The following CNTNAP2 variants were observed in gnomAD, a reference collection of about 807,000 sequenced individuals.
CNTNAP2 encodes the protein contactin associated protein 2.
In CNTNAP2, 98 loss-of-function variants were observed where a neutral mutation model predicts 155.2. The observed-to-expected ratio is 0.63, with a 90% CI of 0.54 to 0.75. The LOEUF (loss-of-function observed/expected upper bound fraction) is 0.75, where lower values mean the gene tolerates loss of function less well. CNTNAP2 is among the 30% of genes least tolerant of loss of function. The pLI is 0.00. For missense variants in CNTNAP2, 1,727 were observed against 1,688.1 expected (o/e 1.02, Z -0.40); for synonymous variants, 651 against 631.2 (o/e 1.03, Z -0.47).
chr7:148,337,205 T>C (rs1798135646), intron 21 of CNTNAP2, among the ~76,000 whole-genome samples: 1 of 151,890 alleles, frequency 6.6e-6, no homozygotes, highest in African/African-American at 2.4e-5. Context: ...AGGAGGCCCC[T>C]GCTGCTCCCC....
At chr7:147,065,951 T>C (rs758674634) in intron 4 of CNTNAP2, among the ~76,000 whole-genome samples, 6 of 152,186 alleles carry the variant, frequency 3.9e-5, no homozygotes, top group Non-Finnish European at 8.8e-5. Context: ...GACTCATATC[T>C]TTTGTACCTG....
chr7:146,156,298 A>G (rs981760976), intron 1 of CNTNAP2, among the ~76,000 whole-genome samples: 1 of 152,184 alleles, frequency 6.6e-6, no homozygotes, highest in African/African-American at 2.4e-5. Flanking sequence ...AAGAGAAAAT[A>G]AAGAATGATT....
At chr7:147,668,650 T>C (rs1416989082) in intron 13 of CNTNAP2, among the ~76,000 whole-genome samples, 1 of 152,122 alleles carries the variant, frequency 6.6e-6, no homozygotes. Flanking sequence ...TATTTAAAAA[T>C]CTTAAGGTAA....
chr7:146,949,066 C>T (rs1452302771), intron 3 of CNTNAP2, among the ~76,000 whole-genome samples: 1 of 152,166 alleles, frequency 6.6e-6, no homozygotes, highest in African/African-American at 2.4e-5. Flanking sequence ...GCAAGAGCTC[C>T]TCCCAGGGCC....
intron 13 of CNTNAP2, among the ~76,000 whole-genome samples, chr7:147,691,858 A>C (rs546377294): frequency 2.0e-5 from 3 of 152,092 alleles, no homozygotes; most frequent in Non-Finnish European, 4.4e-5. Context: ...AAACCTACAC[A>C]GACACATCAT....
intron 18 of CNTNAP2, among the ~76,000 whole-genome samples, chr7:148,214,250 G>A (rs928905371): frequency 6.6e-6 from 1 of 152,206 alleles, no homozygotes; most frequent in Non-Finnish European, 1.5e-5. Context: ...ACCCAGCATC[G>A]TGCCCAGGGT....
chr7:147,134,758 T>G (rs1748729673), intron 8 of CNTNAP2, among the ~76,000 whole-genome samples: 1 of 151,932 alleles, frequency 6.6e-6, no homozygotes, highest in Non-Finnish European at 1.5e-5. Flanking sequence ...AACAGTTAAG[T>G]CAGGATTCTA....
At chr7:148,139,918 A>G (rs958605463) in intron 16 of CNTNAP2, among the ~76,000 whole-genome samples, 3 of 152,168 alleles carry the variant, frequency 2.0e-5, no homozygotes, top group Non-Finnish European at 4.4e-5. Flanking sequence ...GAGAGACCAC[A>G]TTCCCCATAA....
At chr7:146,627,985 AGTGT>A (rs1799447948) in intron 1 of CNTNAP2, among the ~76,000 whole-genome samples, 1 of 152,090 alleles carries the variant, frequency 6.6e-6, no homozygotes, top group Admixed American at 6.6e-5. Flanking sequence ...TTTGCCAATG[AGTGT>A]GTGGTCACGT....
chr7:146,865,913 GAAAAGGAATCC>G (rs1795195376), intron 3 of CNTNAP2, among the ~76,000 whole-genome samples: 1 of 152,100 alleles, frequency 6.6e-6, no homozygotes, highest in African/African-American at 2.4e-5. Flanking sequence ...CGTTTTCCTT[GAAAAGGAATCC>G]TTGTACTAGT....
At chr7:146,943,964 ATAGT>A (rs1797106389) in intron 3 of CNTNAP2, among the ~76,000 whole-genome samples, 1 of 152,124 alleles carries the variant, frequency 6.6e-6, no homozygotes, top group South Asian at 2.1e-4. Flanking sequence ...AATTTGTACT[ATAGT>A]TAATTTTATA....
intron 13 of CNTNAP2, among the ~76,000 whole-genome samples, chr7:147,839,551 T>A (rs1303773113): frequency 6.6e-6 from 1 of 152,120 alleles, no homozygotes; most frequent in Non-Finnish European, 1.5e-5. Context: ...AGGTCAGGGT[T>A]TCTTATTTTT....
At chr7:148,216,481 C>CT (rs1197879984) in intron 18 of CNTNAP2, among the ~76,000 whole-genome samples, 4 of 151,612 alleles carry the variant, frequency 2.6e-5, no homozygotes, top group African/African-American at 4.8e-5. Context: ...GGACGTAGGG[C>CT]TTATAAAGGC....
chr7:146,400,696 C>G (rs1486565165), intron 1 of CNTNAP2, among the ~76,000 whole-genome samples: 1 of 152,308 alleles, frequency 6.6e-6, no homozygotes, highest in East Asian at 1.9e-4. Flanking sequence ...ATGTGAACAT[C>G]ATGTGTGCAT....
chr7:147,479,030 C>G (rs541644058), intron 10 of CNTNAP2, among the ~76,000 whole-genome samples: 1 of 152,290 alleles, frequency 6.6e-6, no homozygotes, highest in East Asian at 1.9e-4. Context: ...GCATGGGCAT[C>G]CACAACTGTC....
At chr7:146,946,003 G>A (rs1162199299) in intron 3 of CNTNAP2, among the ~76,000 whole-genome samples, 1 of 152,118 alleles carries the variant, frequency 6.6e-6, no homozygotes, top group Non-Finnish European at 1.5e-5. Context: ...TGGGGCCAAA[G>A]AGAGACCTTT....
At chr7:147,975,201 G>A (rs1801408750) in intron 14 of CNTNAP2, among the ~76,000 whole-genome samples, 1 of 151,774 alleles carries the variant, frequency 6.6e-6, no homozygotes, top group African/African-American at 2.4e-5. Context: ...AAGGAGCTAG[G>A]CACAAAGGAA....
At chr7:146,499,537 A>G (rs1265598928) in intron 1 of CNTNAP2, among the ~76,000 whole-genome samples, 3 of 152,070 alleles carry the variant, frequency 2.0e-5, no homozygotes, top group Non-Finnish European at 2.9e-5. Context: ...ATTTTGTGTC[A>G]TTTGCATTCT....
At chr7:146,790,745 A>C (rs1802656860) in intron 2 of CNTNAP2, among the ~76,000 whole-genome samples, 1 of 151,210 alleles carries the variant, frequency 6.6e-6, no homozygotes, top group African/African-American at 2.4e-5. Context: ...AATTTTTTGT[A>C]TTTTTAGTAG....
Sources: gnomAD v4.1 joint callset for allele counts (sites outside exome capture counted in the v4.1 genomes callset) on GRCh38, gnomAD v4.1.1 for gene constraint, MANE v1.5 for transcripts, NCBI Gene and HGNC (gene_info 2026-07-23, HGNC 2026-07-21) for gene names.